Variants in CD28 observed in about 807,000 individuals in gnomAD.
CD28 encodes CD28 molecule.
In CD28, 8 loss-of-function variants were observed where a neutral mutation model predicts 21.4. The observed-to-expected ratio is 0.37, with a 90% CI of 0.22 to 0.68. CD28 has a LOEUF of 0.68. Among genes scored for constraint, CD28 ranks in the 30% least tolerant of loss-of-function variants. CD28 has a pLI of 0.55. For synonymous variants in CD28, 106 were observed against 104.0 expected (o/e 1.02, Z -0.12); for missense variants, 239 against 272.2 (o/e 0.88, Z 0.86).
intron 1 of CD28, among the ~76,000 whole-genome samples, chr2:203,719,372 G>A (rs1581505870): frequency 6.6e-6 from 1 of 152,140 alleles, no homozygotes; most frequent in South Asian, 2.1e-4. Flanking sequence ...AAAATGAAAT[G>A]TATTTTGTTC....
intron 2 of CD28, 142 bp from the exon 3 acceptor site, chr2:203,729,506 A>G: frequency 1.1e-6 from 1 of 875,972 alleles, no homozygotes; most frequent in Non-Finnish European, 1.7e-6. Context: ...GGTAAGTCTC[A>G]AAGAGGAAAT....
rs1475718473 is a variant in CD28, at chr2:203,735,538, G to A, written c.*626G>A. The A allele has an allele frequency of 1.3e-4, 20 of 152,644 alleles. No individual in the cohort carries two copies. The highest frequency in any genetic ancestry group is 1.2e-3 in the Admixed American group (19 of 15,288). 9.5% of individuals were successfully genotyped at this position (152,644 alleles called of 1,614,324 possible). The stretch of plus-strand genomic sequence containing the variant: ...TCATATTTAGTCATTTTGACCAAAT[G>A]AGGGATTTGGTCAAATGAGGGATTC... On this transcript the variant is annotated 3_prime_UTR_variant, in exon 4 of 4. Transcript: ENST00000324106.
intron 3 of CD28, among the ~76,000 whole-genome samples, chr2:203,731,420 C>T (rs1693885546): frequency 6.6e-6 from 1 of 152,184 alleles, no homozygotes; most frequent in Non-Finnish European, 1.5e-5. Context: ...TTTCAATCCT[C>T]TTATTGGGAA....
Position 203,735,364 on chromosome 2 carries a change from T to C in CD28, c.*452T>C, listed in dbSNP as rs1295971607. ...CTTTTGGTTAGTGGGTTAAACGGGGTAAGTTAGAGTAGGGGGAGGGATAGG... is the reference window on the plus strand; with the variant it reads ...CTTTTGGTTAGTGGGTTAAACGGGGCAAGTTAGAGTAGGGGGAGGGATAGG... On this transcript the variant is annotated 3_prime_UTR_variant, in exon 4 of 4. Transcript: ENST00000324106. The C allele has an allele frequency of 6.1e-6, 1 of 164,590 alleles. No homozygotes were observed. Among genetic ancestry groups the C allele is most frequent in the African/African-American group, 2.4e-5 (1 of 41,468 alleles). The allele number at this position is 164,590 out of a possible 1,614,324, so 10.2% of individuals were successfully genotyped here.
At chr2:203,724,073 A>G (rs572733624) in intron 1 of CD28, among the ~76,000 whole-genome samples, 6 of 152,324 alleles carry the variant, frequency 3.9e-5, no homozygotes, top group South Asian at 2.1e-4. Flanking sequence ...ACATGGATGA[A>G]ACTTGAAACA....
intron 3 of CD28, among the ~76,000 whole-genome samples, chr2:203,733,662 G>A (rs541800452): frequency 4.7e-4 from 71 of 152,236 alleles, no homozygotes; most frequent in African/African-American, 1.6e-3. Flanking sequence ...CAGGGAAGGA[G>A]TGACAAGACA....
upstream of CD28, chr2:203,706,589 G>T (rs1581494139): frequency 6.3e-7 from 1 of 1,599,554 alleles, no homozygotes. Flanking sequence ...TGGTGGCCGT[G>T]GATGACGGAG....
chr2:203,733,108 A>G (rs1044362921), intron 3 of CD28, among the ~76,000 whole-genome samples: 1 of 152,140 alleles, frequency 6.6e-6, no homozygotes, highest in Non-Finnish European at 1.5e-5. Flanking sequence ...GGGGACAGAC[A>G]TTTCCTCGGC....
intron 2 of CD28, 151 bp from the exon 3 acceptor site, chr2:203,729,497 G>GT: frequency 1.3e-6 from 1 of 771,560 alleles, no homozygotes; most frequent in South Asian, 1.8e-5. Flanking sequence ...GTGGGGTTGG[G>GT]TAAGTCTCAA....
chr2:203,726,500 G>C (rs149128928), intron 1 of CD28, 133 bp from the exon 2 acceptor site: 1 of 650,402 alleles, frequency 1.5e-6, no homozygotes, highest in African/African-American at 1.8e-5. Flanking sequence ...CCCCTGAAGA[G>C]GTCCTACATC....
intron 3 of CD28, among the ~76,000 whole-genome samples, chr2:203,733,170 T>G (rs1232001579): frequency 6.6e-6 from 1 of 152,198 alleles, no homozygotes; most frequent in Non-Finnish European, 1.5e-5. Flanking sequence ...TAGTCTTTCA[T>G]TTACAGAAAG....
intron 1 of CD28, among the ~76,000 whole-genome samples, chr2:203,714,819 G>C (rs773138339): frequency 7.2e-5 from 11 of 152,124 alleles, no homozygotes; most frequent in Non-Finnish European, 1.5e-4. Context: ...TCCCTTGCAG[G>C]GATTGCTAAC....
chr2:203,715,917 A>C (rs1200425301), intron 1 of CD28, among the ~76,000 whole-genome samples: 1 of 152,074 alleles, frequency 6.6e-6, no homozygotes, highest in East Asian at 1.9e-4. Context: ...ATGAACTCAC[A>C]TCAGTGCTAT....
At chr2:203,727,543 G>T (rs1581513991) in intron 2 of CD28, among the ~76,000 whole-genome samples, 1 of 151,136 alleles carries the variant, frequency 6.6e-6, no homozygotes, top group Non-Finnish European at 1.5e-5. Context: ...GCAGTGGCGG[G>T]ATCTCAGTTC....
In CD28 at chr2:203,729,630, C is replaced by G. The variant is rs755363961; in HGVS notation, c.410-18C>G. On this transcript the variant is annotated intron_variant, in intron 2 of 3. Coordinates refer to ENST00000324106, the MANE Select transcript of CD28 (RefSeq NM_006139.4). ...TGCTATTCCTGTATCATTTAATCCA[C>G]TCTATTTTGTTTTTCAGGGAAACAC... is the stretch of plus-strand genomic sequence containing the variant. 55 of 1,610,888 alleles carry G rather than the reference C, an allele frequency of 3.4e-5. No homozygotes were observed. The highest frequency in any genetic ancestry group is 4.6e-5 in the Non-Finnish European group (54 of 1,178,594).
chr2:203,729,093 A>G (rs1438302947), intron 2 of CD28, among the ~76,000 whole-genome samples: 1 of 152,216 alleles, frequency 6.6e-6, no homozygotes, highest in African/African-American at 2.4e-5. Flanking sequence ...AATTTTGAAT[A>G]GAATTCTATA....
intron 1 of CD28, among the ~76,000 whole-genome samples, chr2:203,720,092 A>G (rs1005308944): frequency 2.0e-5 from 3 of 152,154 alleles, no homozygotes; most frequent in Admixed American, 1.3e-4. Context: ...CACAAGATTC[A>G]CAGATTATCT....
At chr2:203,708,212 T>G (rs1693213763) in intron 1 of CD28, among the ~76,000 whole-genome samples, 1 of 152,198 alleles carries the variant, frequency 6.6e-6, no homozygotes, top group Admixed American at 6.5e-5. Context: ...ACCCGTTTAT[T>G]TTATGGTCTG....
chr2:203,731,759 T>A (rs1367080618), intron 3 of CD28, among the ~76,000 whole-genome samples: 1 of 151,530 alleles, frequency 6.6e-6, no homozygotes, highest in Admixed American at 6.6e-5. Context: ...ACACACTGGG[T>A]TTTTCCTTGG....
Sources: allele counts gnomAD v4.1 joint callset (sites outside exome capture counted in the v4.1 genomes callset), GRCh38; gene constraint gnomAD v4.1.1; transcripts MANE v1.5; gene names NCBI Gene and HGNC (gene_info 2026-07-23, HGNC 2026-07-21).